Variants in GULP1 observed in about 807,000 individuals in gnomAD.
GULP1 encodes PTB domain-containing engulfment adapter protein 1.
Under a neutral mutation model 40.9 loss-of-function variants are expected in GULP1, and 19 were observed. That is an observed-to-expected ratio of 0.46 (90% CI 0.32 to 0.68). The LOEUF is 0.68. Among genes scored for constraint, GULP1 ranks in the 30% least tolerant of loss-of-function variants. The pLI is 0.03. For missense variants in GULP1, 312 were observed against 362.2 expected, an observed-to-expected ratio of 0.86 and a Z score of 1.12; for synonymous variants, 119 against 117.6, an observed-to-expected ratio of 1.01 and a Z score of -0.08.
In GULP1 at chr2:188,534,997, C is replaced by T. The variant is rs182541539; in HGVS notation, c.261+5802C>T. 5.5e-3 allele frequency among the ~76,000 whole-genome samples: 837 copies of T among 151,130 alleles called. 8 individuals are homozygous for T. The highest frequency in any genetic ancestry group is 7.9e-3 in the Non-Finnish European group (537 of 67,784). The stretch of plus-strand genomic sequence containing the variant: ...AAGTCTCGATTTCCTATTATTAAGA[C>T]TTTAATATTTAATAATAAATTGTTA... On this transcript the variant is annotated intron_variant, in intron 6 of 11. Coordinates refer to ENST00000409830, the MANE Select transcript of GULP1 (RefSeq NM_016315.4).
intron 2 of GULP1, among the ~76,000 whole-genome samples, chr2:188,442,879 C>T (rs2058055575): frequency 6.6e-6 from 1 of 152,084 alleles, no homozygotes; most frequent in Admixed American, 6.6e-5. Flanking sequence ...TCTCAGCTTC[C>T]CCATCATAGC....
intron 7 of GULP1, among the ~76,000 whole-genome samples, chr2:188,552,742 A>G (rs1468177644): frequency 1.3e-5 from 2 of 151,682 alleles, no homozygotes; most frequent in East Asian, 1.9e-4. Flanking sequence ...CTTATGATCC[A>G]TGAATATAGG....
At chr2:188,364,699 A>ATGTG (rs144008194) in intron 1 of GULP1, among the ~76,000 whole-genome samples, 6 of 132,590 alleles carry the variant, frequency 4.5e-5, no homozygotes, top group Admixed American at 7.7e-5. Flanking sequence ...TGGGATATGT[A>ATGTG]TGTGTGTGTG....
intron 3 of GULP1, 82 bp from the exon 4 acceptor site, chr2:188,483,349 C>A: frequency 1.6e-6 from 1 of 624,368 alleles, no homozygotes; most frequent in Non-Finnish European, 2.9e-6. Context: ...TACTCTGTGT[C>A]CTAAATTACC....
intron 1 of GULP1, among the ~76,000 whole-genome samples, chr2:188,358,023 A>T (rs1220451938): frequency 1.3e-5 from 2 of 152,172 alleles, no homozygotes; most frequent in Non-Finnish European, 2.9e-5. Flanking sequence ...TACTAAAAAA[A>T]ATAAAAAATT....
intron 2 of GULP1, among the ~76,000 whole-genome samples, chr2:188,400,257 T>C (rs1215031579): frequency 1.3e-5 from 2 of 152,180 alleles, no homozygotes; most frequent in African/African-American, 4.8e-5. Flanking sequence ...TATTCTTTCC[T>C]CTTCTTATAA....
chr2:188,477,116 T>G (rs754445324), intron 2 of GULP1, among the ~76,000 whole-genome samples: 11 of 152,194 alleles, frequency 7.2e-5, no homozygotes, highest in Admixed American at 2.0e-4. Context: ...AGACAAAGAT[T>G]GTAGCTAATA....
At chr2:188,585,744 G>A (rs1466463522) in intron 10 of GULP1, among the ~76,000 whole-genome samples, 2 of 152,178 alleles carry the variant, frequency 1.3e-5, no homozygotes, top group African/African-American at 4.8e-5. Context: ...TAGGCCTCTG[G>A]ACCTTTGATG....
chr2:188,555,314 G>T (rs1251863836), intron 7 of GULP1, among the ~76,000 whole-genome samples: 1 of 152,024 alleles, frequency 6.6e-6, no homozygotes. Context: ...TTACCAATGA[G>T]TTTTATACTT....
intron 2 of GULP1, among the ~76,000 whole-genome samples, chr2:188,395,210 A>T (rs1293962890): frequency 6.6e-6 from 1 of 152,174 alleles, no homozygotes; most frequent in Non-Finnish European, 1.5e-5. Context: ...CCAGCAGGAA[A>T]GCAGTCCACC....
chr2:188,353,320 G>T (rs751925798), intron 1 of GULP1, among the ~76,000 whole-genome samples: 2 of 151,988 alleles, frequency 1.3e-5, no homozygotes, highest in East Asian at 3.9e-4. Context: ...CTCACAACAG[G>T]TTATGATGAT....
rs1277313781 is a variant in GULP1, at chr2:188,468,340, C to T, written c.-44-9319C>T. 4.6e-5 allele frequency among the ~76,000 whole-genome samples: 7 copies of T among 152,228 alleles called. No individual in the cohort carries two copies. In the East Asian group the frequency reaches 1.4e-3, roughly 29 times the overall value. ...TGGATAACCTTAGAGAATTTCCTTA[C>T]TCTAAAAATATCTTCAAAATTATTA... On this transcript the variant is annotated intron_variant, in intron 2 of 11. Coordinates refer to ENST00000409830, the MANE Select transcript of GULP1 (RefSeq NM_016315.4).
At chr2:188,396,033 CA>C (rs2051202840) in intron 2 of GULP1, among the ~76,000 whole-genome samples, 1 of 152,208 alleles carries the variant, frequency 6.6e-6, no homozygotes, top group African/African-American at 2.4e-5. Context: ...AGGTCAGACA[CA>C]AGTTTTTCCA....
At chr2:188,315,630 C>A (rs2038946310) in intron 1 of GULP1, among the ~76,000 whole-genome samples, 1 of 152,094 alleles carries the variant, frequency 6.6e-6, no homozygotes, top group South Asian at 2.1e-4. Context: ...CCCCCTTCAT[C>A]CTCAGGAGAC....
chr2:188,344,679 A>G (rs1343805820), intron 1 of GULP1, among the ~76,000 whole-genome samples: 1 of 152,224 alleles, frequency 6.6e-6, no homozygotes, highest in African/African-American at 2.4e-5. Context: ...CCACTGGGTC[A>G]TCCAGTTGTG....
intron 7 of GULP1, among the ~76,000 whole-genome samples, chr2:188,561,526 A>G (rs1290628953): frequency 1.3e-5 from 2 of 152,126 alleles, no homozygotes; most frequent in African/African-American, 4.8e-5. Context: ...GGTGCACTCA[A>G]GTGCCCAATG....
intron 7 of GULP1, among the ~76,000 whole-genome samples, chr2:188,544,807 C>T (rs1691475307): frequency 6.6e-6 from 1 of 151,850 alleles, no homozygotes; most frequent in African/African-American, 2.4e-5. Flanking sequence ...AATAAGCACC[C>T]TTAAAAAACA....
chr2:188,497,417 A>G (rs1364238257), intron 4 of GULP1, among the ~76,000 whole-genome samples: 1 of 152,018 alleles, frequency 6.6e-6, no homozygotes, highest in East Asian at 1.9e-4. Flanking sequence ...GACCACCAAT[A>G]TAAAATGGAA....
At chr2:188,443,745 G>A (rs1412781411) in intron 2 of GULP1, among the ~76,000 whole-genome samples, 6 of 148,494 alleles carry the variant, frequency 4.0e-5, no homozygotes, top group African/African-American at 1.5e-4. Flanking sequence ...GGAGTGCAAT[G>A]GCACGATCTC....
Sources: allele counts gnomAD v4.1 joint callset (sites outside exome capture counted in the v4.1 genomes callset), GRCh38; gene constraint gnomAD v4.1.1; transcripts MANE v1.5; gene names NCBI Gene and HGNC (gene_info 2026-07-23, HGNC 2026-07-21).